GSE1: variants seen among roughly 807,000 people sequenced by gnomAD.
GSE1 encodes the protein Gse1 coiled-coil protein, also known as genetic suppressor element 1.
GSE1 carries 32 observed loss-of-function variants against 112.6 expected under a neutral mutation model. The observed-to-expected ratio is 0.28, with a 90% CI of 0.21 to 0.38. The LOEUF is 0.38. Among genes scored for constraint, GSE1 ranks in the 10% least tolerant of loss-of-function variants. The probability of loss-of-function intolerance (pLI) is 1.00; values close to 1 mark genes in which losing one functional copy is unlikely to be tolerated. For synonymous variants in GSE1, 1,115 were observed against 735.6 expected (o/e 1.52, Z -8.35); for missense variants, 2,348 against 1,699.2 (o/e 1.38, Z -6.71).
chr16:85,172,661 C>T (rs2074381097), intron 1 of GSE1, among the ~76,000 whole-genome samples: 1 of 152,266 alleles, frequency 6.6e-6, no homozygotes, highest in South Asian at 2.1e-4. Context: ...ATGCTCATTT[C>T]TGCCAAAGAC....
intron 2 of GSE1, among the ~76,000 whole-genome samples, chr16:85,536,893 G>T (rs1037787713): frequency 6.6e-6 from 1 of 152,230 alleles, no homozygotes; most frequent in African/African-American, 2.4e-5. Flanking sequence ...TCAGGACCTG[G>T]AATGGAACCG....
At chr16:85,649,955 C>G (rs1163959439) in intron 3 of GSE1, among the ~76,000 whole-genome samples, 1 of 152,140 alleles carries the variant, frequency 6.6e-6, no homozygotes, top group Non-Finnish European at 1.5e-5. Flanking sequence ...ATCCAGGGTC[C>G]CAGTGGGAAT....
In GSE1 at chr16:85,224,237, G is replaced by A. The variant is rs550299983; in HGVS notation, c.2283+52430G>A. 3.9e-5 allele frequency among the ~76,000 whole-genome samples: 5 copies of A among 129,222 alleles called. No homozygotes were observed. In the East Asian group the frequency reaches 1.2e-3, roughly 32 times the overall value. 84.8% of individuals were successfully genotyped at this position (129,222 alleles called of 152,430 possible). ...TGCCCTTGAAGGATGCGCATGAAAA[G>A]CGAGAAGGCGAGGGAGGAGGAGGGT... On this transcript the variant is annotated intron_variant, in intron 1 of 2. Transcript: ENST00000637419.
At position 85,335,366 on chromosome 16, in the gene GSE1, G is replaced by A. The variant is rs371725009; in HGVS notation, c.2284-22097G>A. Among the ~76,000 whole-genome samples the A allele has an allele frequency of 5.9e-5, 9 of 152,378 alleles. No individual in the cohort carries two copies. In the East Asian group the frequency reaches 1.7e-3, roughly 29 times the overall value. On this transcript the variant is annotated intron_variant, in intron 1 of 2. Transcript: ENST00000637419. ...TGTCTTGGCATTCTTTCCTCGGCAA[G>A]CGAGTGAGTTCAGTCGGCTTTTTAA...
intron 2 of GSE1, among the ~76,000 whole-genome samples, chr16:85,463,409 T>A (rs1489109201): frequency 6.6e-6 from 1 of 152,196 alleles, no homozygotes. Context: ...GAGGCTGCCC[T>A]CAGACCCCGT....
At chr16:85,238,750 C>A (rs1904928462) in intron 1 of GSE1, among the ~76,000 whole-genome samples, 1 of 152,146 alleles carries the variant, frequency 6.6e-6, no homozygotes, top group African/African-American at 2.4e-5. Context: ...GGGGGACCCT[C>A]AGTCAGGATA....
rs988009297 is a variant in GSE1 at position 85,589,751 on chromosome 16, A to T, written c.37+33388A>T. Among the ~76,000 whole-genome samples, 3 of 152,016 alleles carry T rather than the reference A, an allele frequency of 2.0e-5. 1 individual carries two copies. Among genetic ancestry groups the T allele is most frequent in the Admixed American group, 2.0e-4 (3 of 15,256 alleles). On this transcript the variant is annotated intron_variant, in intron 1 of 2. Transcript: ENST00000635906. ...ACTGTGTGAATGTGGATGACTGAAC[A>T]TGTGTGAACTTGTGTGACATTGTGA...
At chr16:85,652,953 C>T (rs542296522) in intron 3 of GSE1, among the ~76,000 whole-genome samples, 11 of 151,848 alleles carry the variant, frequency 7.2e-5, no homozygotes, top group South Asian at 6.2e-4. Flanking sequence ...CCAGATGGAA[C>T]GTGAGGAAGG....
intron 1 of GSE1, among the ~76,000 whole-genome samples, chr16:85,346,478 G>A (rs1277301041): frequency 4.0e-5 from 6 of 151,558 alleles, no homozygotes; most frequent in Non-Finnish European, 8.8e-5. Context: ...GATGATGGAT[G>A]GATGGATGAT....
chr16:85,587,237 G>C (rs1224327433), intron 1 of GSE1, among the ~76,000 whole-genome samples: 1 of 151,986 alleles, frequency 6.6e-6, no homozygotes, highest in African/African-American at 2.4e-5. Flanking sequence ...ACAGGAAAGA[G>C]CGGACGGGAG....
intron 2 of GSE1, among the ~76,000 whole-genome samples, chr16:85,470,856 T>C (rs2050272552): frequency 6.6e-6 from 1 of 152,126 alleles, no homozygotes; most frequent in South Asian, 2.1e-4. Context: ...GTAGCTTCTT[T>C]AGGAGGAAGC....
intron 2 of GSE1, among the ~76,000 whole-genome samples, chr16:85,453,254 C>T (rs747398540): frequency 8.1e-4 from 123 of 152,280 alleles, no homozygotes; most frequent in Admixed American, 1.5e-3. Context: ...TAAAGTCACA[C>T]GGTGGCTCGG....
chr16:85,332,812 G>C (rs550457235), intron 1 of GSE1, among the ~76,000 whole-genome samples: 3 of 152,116 alleles, frequency 2.0e-5, no homozygotes, highest in Non-Finnish European at 4.4e-5. Flanking sequence ...CAGAGTCATT[G>C]CTTGTCTTTT....
At chr16:85,369,611 G>A (rs1245954739) in intron 2 of GSE1, among the ~76,000 whole-genome samples, 1 of 152,158 alleles carries the variant, frequency 6.6e-6, no homozygotes, top group African/African-American at 2.4e-5. Context: ...ACCCTGGACA[G>A]TCCAGGATAC....
intron 1 of GSE1, among the ~76,000 whole-genome samples, chr16:85,632,496 A>T (rs1598460954): frequency 6.6e-6 from 1 of 152,236 alleles, no homozygotes; most frequent in Middle Eastern, 3.4e-3. Context: ...TTTGGTGGCA[A>T]GTTCTGGGGA....
chr16:85,399,776 G>A (rs1338448529), intron 2 of GSE1, among the ~76,000 whole-genome samples: 4 of 152,246 alleles, frequency 2.6e-5, no homozygotes, highest in African/African-American at 2.4e-5. Flanking sequence ...GGGAAGAATG[G>A]ATTAGGAATC....
intron 1 of GSE1, among the ~76,000 whole-genome samples, chr16:85,309,502 T>TAATAAATAAATAAATA (rs74276410): frequency 3.3e-5 from 5 of 150,712 alleles, no homozygotes; most frequent in South Asian, 2.1e-4. Flanking sequence ...TCTAAAACAA[T>TAATAAATAAATAAATA]AATAAATAAA....
At chr16:85,336,087 C>G (rs780532765) in intron 1 of GSE1, among the ~76,000 whole-genome samples, 2 of 152,166 alleles carry the variant, frequency 1.3e-5, no homozygotes, top group Admixed American at 6.5e-5. Flanking sequence ...GCCCCTGCCC[C>G]GGGTTCAGGC....
chr16:85,666,565 C>T (rs1449991635), intron 13 of GSE1: 2 of 587,046 alleles, frequency 3.4e-6, no homozygotes, highest in Non-Finnish European at 6.0e-6. Flanking sequence ...CGTTTGTAGG[C>T]ACCAGCGCTG....
Sources: gnomAD v4.1 joint callset for allele counts (sites outside exome capture counted in the v4.1 genomes callset) on GRCh38, gnomAD v4.1.1 for gene constraint, MANE v1.5 for transcripts, NCBI Gene and HGNC (gene_info 2026-07-23, HGNC 2026-07-21) for gene names.